The following ZNF738 variants were observed in gnomAD, a reference collection of about 807,000 sequenced individuals.
The protein encoded by ZNF738 is protein ZNF738.
In ZNF738, 10 loss-of-function variants were observed where a neutral mutation model predicts 9.2. The observed-to-expected ratio is 1.09, with a 90% confidence interval of 0.67 to 1.85. The LOEUF is 1.85. ZNF738 is among the 40% of genes most tolerant of loss of function. The probability of loss-of-function intolerance (pLI) is 0.00; values close to 1 mark genes in which losing one functional copy is unlikely to be tolerated. For missense variants in ZNF738, 346 were observed against 283.6 expected (o/e 1.22, Z -1.58); for synonymous variants, 113 against 94.5 (o/e 1.20, Z -1.14).
chr19:21,363,016 G>C (rs948595142), intron 2 of ZNF738, among the ~76,000 whole-genome samples: 2 of 152,098 alleles, frequency 1.3e-5, no homozygotes, highest in Non-Finnish European at 2.9e-5. Flanking sequence ...TTCAAATTCT[G>C]TTATCTTGAT....
At chr19:21,369,669 A>G (rs982721241) in intron 2 of ZNF738, among the ~76,000 whole-genome samples, 2 of 152,158 alleles carry the variant, frequency 1.3e-5, no homozygotes, top group African/African-American at 4.8e-5. Flanking sequence ...TTTGTCAAAG[A>G]TCAGATGGTT....
chr19:21,369,390 C>T lies in ZNF738; in HGVS notation c.97-5848C>T, dbSNP rs527372373. 2.3e-3 allele frequency among the ~76,000 whole-genome samples: 352 copies of T among 152,294 alleles called. 2 individuals carry two copies. Among genetic ancestry groups the T allele is most frequent in the Middle Eastern group, 0.01 (3 of 294 alleles). ...TCTCCTAAAGTGCTGGCATTACAAG[C>T]GTGAGCCACCTCATGCTACCATATT... On this transcript the variant is annotated intron_variant, in intron 2 of 4. Transcript: ENST00000683779.
intron 1 of ZNF738, among the ~76,000 whole-genome samples, chr19:21,361,241 G>A (rs1198836820): frequency 4.6e-5 from 7 of 151,960 alleles, no homozygotes; most frequent in Non-Finnish European, 7.4e-5. Flanking sequence ...GGGTTCAGGC[G>A]ATTCTCCTGC....
At chr19:21,369,365 TC>T (rs1378595182) in intron 2 of ZNF738, among the ~76,000 whole-genome samples, 1 of 152,178 alleles carries the variant, frequency 6.6e-6, no homozygotes, top group Non-Finnish European at 1.5e-5. Context: ...CCTGCCTTAA[TC>T]TCCTAAAGTG....
Position 21,383,933 on chromosome 19 carries a change from A to C in ZNF738, c.*259A>C. 1 of 1,444,818 alleles carries C rather than the reference A, an allele frequency of 6.9e-7. No individual in the cohort carries two copies. Among genetic ancestry groups the C allele is most frequent in the Non-Finnish European group, 9.7e-7 (1 of 1,030,978 alleles). The allele number at this position is 1,444,818 out of a possible 1,614,324, so 89.5% of individuals were successfully genotyped here. A position where few individuals can be genotyped will look rare whatever the true frequency, so the allele number is the denominator to read the frequency against. On this transcript the variant is annotated 3_prime_UTR_variant, in exon 5 of 5. Coordinates refer to ENST00000683779, the MANE Select transcript of ZNF738 (RefSeq NM_001355237.2). ...CCTACAAATGTGAAGAATGTGGCAA[A>C]GCTTTTAACTGTTACTCCTACCTTA...
At chr19:21,380,417 A>T (rs554632524) in intron 4 of ZNF738, among the ~76,000 whole-genome samples, 2 of 151,624 alleles carry the variant, frequency 1.3e-5, no homozygotes, top group African/African-American at 4.8e-5. Flanking sequence ...TAGAGTCCCC[A>T]CTCTCCCCTG....
chr19:21,384,162 T>G lies in ZNF738; in HGVS notation c.*488T>G, dbSNP rs187365140. 107 of 1,455,472 alleles carry G rather than the reference T, an allele frequency of 7.4e-5. No homozygotes were observed. The African/African-American group carries it at 1.2e-3, about 17-fold the overall frequency. 90.2% of individuals were successfully genotyped at this position (1,455,472 alleles called of 1,614,324 possible). A position where few individuals can be genotyped will look rare whatever the true frequency, so the allele number is the denominator to read the frequency against. On this transcript the variant is annotated 3_prime_UTR_variant, in exon 5 of 5. Coordinates refer to ENST00000683779, the MANE Select transcript of ZNF738 (RefSeq NM_001355237.2). The stretch of plus-strand genomic sequence containing the variant: ...GATGATTCATACTGTAGAGAAACGC[T>G]ACAAATGTGAGGAATGTGGCAAAGC...
rs191545885 is a variant in ZNF738 at position 21,375,365 on chromosome 19, G to A, written c.223+1G>A. The A allele has an allele frequency of 5.9e-4, 494 of 832,854 alleles. 2 individuals are homozygous for A. The highest frequency in any genetic ancestry group is 3.1e-3 in the Middle Eastern group (14 of 4,450). The allele number at this position is 832,854 out of a possible 1,614,324, so 51.6% of individuals were successfully genotyped here. On this transcript the variant is annotated splice_donor_variant, in intron 3 of 4. Transcript: ENST00000683779. LOFTEE classifies it high-confidence loss of function. ...AACTTCAGAAACCTGGTGTTCTTGGGTGAGAATAACTTTAATACACAATTC... is the reference window on the plus strand; with the variant it reads ...AACTTCAGAAACCTGGTGTTCTTGGATGAGAATAACTTTAATACACAATTC...
intron 1 of ZNF738, among the ~76,000 whole-genome samples, chr19:21,361,218 A>G (rs977116195): frequency 1.3e-5 from 2 of 151,216 alleles, no homozygotes; most frequent in Non-Finnish European, 2.9e-5. Flanking sequence ...GCTCACCGCA[A>G]CTTCTGCCTC....
In ZNF738 at chr19:21,387,869, T is replaced by A. The variant is rs1974085375; in HGVS notation, c.*4195T>A. On this transcript the variant is annotated 3_prime_UTR_variant, in exon 5 of 5. Transcript: ENST00000683779. Reference sequence around the variant, plus strand: ...TCTGAAGCAGTTGCTCAAGCTTTGTTCAACATTAGGGCACTTATATTGGAA... The same window carrying A: ...TCTGAAGCAGTTGCTCAAGCTTTGTACAACATTAGGGCACTTATATTGGAA... Among the ~76,000 whole-genome samples the A allele has an allele frequency of 2.0e-5, 3 of 152,220 alleles. No individual in the cohort carries two copies. Among genetic ancestry groups the A allele is most frequent in the Admixed American group, 2.0e-4 (3 of 15,284 alleles).
chr19:21,363,588 T>TA (rs941350363), intron 2 of ZNF738, among the ~76,000 whole-genome samples: 16 of 152,116 alleles, frequency 1.1e-4, no homozygotes, highest in African/African-American at 3.9e-4. Context: ...TAATTTCTGT[T>TA]AAAAAATTTG....
chr19:21,359,919 G>T (rs1973660414), intron 1 of ZNF738, among the ~76,000 whole-genome samples: 2 of 152,144 alleles, frequency 1.3e-5, no homozygotes, highest in Non-Finnish European at 2.9e-5. Context: ...TCAAAAAGTG[G>T]TTCTAGAATT....
In ZNF738 at chr19:21,385,936, T is replaced by C. The variant is rs1447420027; in HGVS notation, c.*2262T>C. On this transcript the variant is annotated 3_prime_UTR_variant, in exon 5 of 5. Transcript: ENST00000683779. Reference sequence around the variant, plus strand: ...ATAGCAGAGAGAAATCCTACAAATATGAAGAATGTCACAAAGCTTTTAACC... The same window carrying C: ...ATAGCAGAGAGAAATCCTACAAATACGAAGAATGTCACAAAGCTTTTAACC... 6.6e-6 allele frequency among the ~76,000 whole-genome samples: 1 copy of C among 151,990 alleles called. No homozygotes were observed. Among genetic ancestry groups the C allele is most frequent in the Non-Finnish European group, 1.5e-5 (1 of 68,002 alleles).
intron 2 of ZNF738, among the ~76,000 whole-genome samples, chr19:21,374,464 A>G (rs748370273): frequency 6.6e-6 from 1 of 152,236 alleles, no homozygotes; most frequent in Non-Finnish European, 1.5e-5. Context: ...CATCACAAAA[A>G]TTTGTCCTTG....
In ZNF738 at chr19:21,383,720, A is replaced by T; in HGVS notation, c.*46A>T. Reference sequence around the variant, plus strand: ...ATTCGCAACCCTTACTAGACATAAGATAATTCATACTGAAGAGAAACCCTA... The same window carrying T: ...ATTCGCAACCCTTACTAGACATAAGTTAATTCATACTGAAGAGAAACCCTA... On this transcript the variant is annotated 3_prime_UTR_variant, in exon 5 of 5. Transcript: ENST00000683779. The T allele has an allele frequency of 9.5e-7, 1 of 1,054,136 alleles. No individual in the cohort carries two copies. Among genetic ancestry groups the T allele is most frequent in the Non-Finnish European group, 1.5e-6 (1 of 682,026 alleles). The allele number at this position is 1,054,136 out of a possible 1,614,324, so 65.3% of individuals were successfully genotyped here.
intron 2 of ZNF738, among the ~76,000 whole-genome samples, chr19:21,373,502 T>C (rs1442532704): frequency 6.6e-6 from 1 of 152,168 alleles, no homozygotes; most frequent in Non-Finnish European, 1.5e-5. Context: ...ATTGCTGGTG[T>C]TTGTGGCAAA....
intron 4 of ZNF738, chr19:21,377,512 G>GCACA (rs112058265): frequency 0.16 from 89,253 of 545,010 alleles, 4,915 homozygotes; most frequent in Non-Finnish European, 0.19. Context: ...ACACAGACGT[G>GCACA]CACACACACA....
chr19:21,363,865 G>C (rs568772309), intron 2 of ZNF738, among the ~76,000 whole-genome samples: 3 of 91,910 alleles, frequency 3.3e-5, no homozygotes, highest in African/African-American at 1.6e-4. Context: ...CTCCAGACTG[G>C]GTGACAGTGA....
rs543530659 is a variant in ZNF738 at position 21,364,930 on chromosome 19, T to C, written c.96+3072T>C. Among the ~76,000 whole-genome samples, 27 of 147,180 alleles carry C rather than the reference T, an allele frequency of 1.8e-4. 1 individual carries two copies. In the East Asian group the frequency reaches 3.6e-3, roughly 19 times the overall value. On this transcript the variant is annotated intron_variant, in intron 2 of 4. Coordinates refer to ENST00000683779, the MANE Select transcript of ZNF738 (RefSeq NM_001355237.2). The stretch of plus-strand genomic sequence containing the variant: ...CCAGCTAATTTTTTTTTTTTTTTTT[T>C]TTTTTTTTTAGTAGAGACAGGGTTT...
Sources: allele counts gnomAD v4.1 joint callset (sites outside exome capture counted in the v4.1 genomes callset), GRCh38; gene constraint gnomAD v4.1.1; transcripts MANE v1.5; gene names NCBI Gene and HGNC (gene_info 2026-07-23, HGNC 2026-07-21).